CNNM3: variants seen among roughly 807,000 people sequenced by gnomAD.
CNNM3 encodes the protein cyclin and CBS domain divalent metal cation transport mediator 3.
Under a neutral mutation model 57.1 loss-of-function variants are expected in CNNM3, and 47 were observed. The observed-to-expected ratio is 0.82, with a 90% CI of 0.65 to 1.05. The LOEUF (loss-of-function observed/expected upper bound fraction) is 1.05. Among genes scored for constraint, CNNM3 ranks in the 50% least tolerant of loss-of-function variants. The pLI is 0.00. For synonymous variants in CNNM3, 507 were observed against 478.2 expected (o/e 1.06, Z -0.79); for missense variants, 957 against 973.7 (o/e 0.98, Z 0.23).
intron 7 of CNNM3, among the ~76,000 whole-genome samples, chr2:96,831,692 T>C (rs1249458317): frequency 6.6e-6 from 1 of 152,234 alleles, no homozygotes; most frequent in Non-Finnish European, 1.5e-5. Context: ...TTTCAAATCC[T>C]GGGTAGGTCC....
intron 2 of CNNM3, among the ~76,000 whole-genome samples, chr2:96,825,472 G>C (rs1251536294): frequency 1.3e-5 from 2 of 152,206 alleles, no homozygotes; most frequent in African/African-American, 4.8e-5. Flanking sequence ...AGTCCTATTA[G>C]TTTCCTCCAT....
chr2:96,827,334 G>A (rs973833504), intron 3 of CNNM3, among the ~76,000 whole-genome samples: 1 of 150,510 alleles, frequency 6.6e-6, no homozygotes, highest in African/African-American at 2.4e-5. Flanking sequence ...GTGGCACGAT[G>A]TTGGCTCACT....
chr2:96,832,707 C>T lies in CNNM3; in HGVS notation c.*91C>T. The T allele has an allele frequency of 1.3e-6, 2 of 1,589,180 alleles. No homozygotes were observed. The highest frequency in any genetic ancestry group is 1.7e-5 in the Admixed American group (1 of 59,004). Reference sequence around the variant, plus strand: ...CAGAAGTTTTGTGCCCGCCTGCCCCCATCCCCTCCAGGCCACGTTTTAGAT... The same window carrying T: ...CAGAAGTTTTGTGCCCGCCTGCCCCTATCCCCTCCAGGCCACGTTTTAGAT... On this transcript the variant is annotated 3_prime_UTR_variant, in exon 8 of 8. Coordinates refer to ENST00000305510, the MANE Select transcript of CNNM3 (RefSeq NM_017623.5).
At position 96,817,286 on chromosome 2, in the gene CNNM3, G is replaced by A. The variant is rs776886146; in HGVS notation, c.1009G>A (p.Val337Ile). The part of the protein sequence containing the change: ...LDASTVLDFG[V>I]LASIMQSGHT... ...CGCCAGCACCGTGCTGGACTTCGGC[G>A]TCCTGGCCAGCATCATGCAGAGCGG... The change falls in exon 1 of 8, where the codon GTC becomes ATC. Residue 337 changes from valine (V) to isoleucine (I), a missense_variant. Around this residue, in one of 2 missense-constraint regions of CNNM3, gnomAD observed 491 missense variants for 570.6 expected, o/e 0.86. Transcript: ENST00000305510. The A allele has an allele frequency of 6.2e-7, 1 of 1,613,396 alleles. No homozygotes were observed. The highest frequency in any genetic ancestry group is 8.5e-7 in the Non-Finnish European group (1 of 1,180,018).
At position 96,825,054 on chromosome 2, in the gene CNNM3, A is replaced by G; in HGVS notation, c.1226-4A>G. The stretch of plus-strand genomic sequence containing the variant: ...GCTGTTCCATGAGTGTCCTCCCCCC[A>G]CAGGGAAGTCCCACCTGGCCATCGT... On this transcript the variant is annotated splice_polypyrimidine_tract_variant and splice_region_variant and intron_variant, in intron 1 of 7. Coordinates refer to ENST00000305510, the MANE Select transcript of CNNM3 (RefSeq NM_017623.5). 1.9e-6 allele frequency: 3 copies of G among 1,612,200 alleles called. No homozygotes were observed. The highest frequency in any genetic ancestry group is 2.5e-6 in the Non-Finnish European group (3 of 1,179,914).
At position 96,817,383 on chromosome 2, in the gene CNNM3, C is replaced by T; in HGVS notation, c.1106C>T (p.Ala369Val). The T allele has an allele frequency of 6.2e-7, 1 of 1,614,166 alleles. No homozygotes were observed. The highest frequency in any genetic ancestry group is 8.5e-7 in the Non-Finnish European group (1 of 1,180,034). ...IVDMLYLKDL[A>V]FVDPEDCTPL... The stretch of plus-strand genomic sequence containing the variant: ...GACATGCTCTACCTCAAGGACTTGG[C>T]CTTCGTGGATCCCGAAGACTGCACG... Residue 369 changes from alanine (A) to valine (V), a missense_variant, in exon 1 of 8, where the codon GCC (alanine) becomes GTC (valine). By Grantham distance (64) the Ala-to-Val change is moderately conservative. Around this residue, in one of 2 missense-constraint regions of CNNM3, gnomAD observed 491 missense variants for 570.6 expected, o/e 0.86. Transcript: ENST00000305510.
Position 96,816,679 on chromosome 2 carries a change from C to T in CNNM3, c.402C>T (p.Pro134=), listed in dbSNP as rs1476831137. The T allele has an allele frequency of 6.8e-6, 7 of 1,022,896 alleles. No individual in the cohort carries two copies. Among genetic ancestry groups the T allele is most frequent in the Non-Finnish European group, 7.0e-6 (6 of 856,504 alleles). 63.4% of individuals were successfully genotyped at this position (1,022,896 alleles called of 1,614,324 possible). ...GGGCGGCTGAGGAGGCGGCGCCGCC[C>T]TGGGCTCTGGGCCTGGGGGCGGCCG... is the stretch of plus-strand genomic sequence containing the variant. ...GGGAAEEAAP[P]WALGLGAAGL... Residue 134 remains proline, a synonymous_variant, in exon 1 of 8, where the codon CCC becomes CCT. Coordinates refer to ENST00000305510, the MANE Select transcript of CNNM3 (RefSeq NM_017623.5).
intron 1 of CNNM3, among the ~76,000 whole-genome samples, chr2:96,817,799 C>T (rs912675528): frequency 2.6e-5 from 4 of 151,736 alleles, no homozygotes; most frequent in African/African-American, 9.7e-5. Context: ...GTCCTCTAAT[C>T]CCCCAGCTCT....
At position 96,817,100 on chromosome 2, in the gene CNNM3, C is replaced by T; in HGVS notation, c.823C>T (p.Gln275Ter). ...TCTGCCCGTCGCGCTGCCCGTGGGG[C>T]AGCTGCTGGAGCTGGCGGCGCGGCC... ...LTLPVALPVG[Q>*]LLELAARPGR... The change falls in exon 1 of 8, where the codon CAG (glutamine) becomes TAG (stop). Residue 275 changes from glutamine to a stop codon, truncating the protein, a stop_gained. Coordinates refer to ENST00000305510, the MANE Select transcript of CNNM3 (RefSeq NM_017623.5). LOFTEE classifies it high-confidence loss of function. 7.5e-7 allele frequency: 1 copy of T among 1,342,066 alleles called. No homozygotes were observed. The highest frequency in any genetic ancestry group is 2.4e-4 in the Middle Eastern group (1 of 4,198). The allele number at this position is 1,342,066 out of a possible 1,614,324, so 83.1% of individuals were successfully genotyped here. A position where few individuals can be genotyped will look rare whatever the true frequency, so the allele number is the denominator to read the frequency against.
At chr2:96,818,508 C>G (rs2079359386) in intron 1 of CNNM3, among the ~76,000 whole-genome samples, 1 of 152,114 alleles carries the variant, frequency 6.6e-6, no homozygotes, top group Non-Finnish European at 1.5e-5. Flanking sequence ...ACCTTGGCCT[C>G]CCAAAGTGTT....
intron 1 of CNNM3, among the ~76,000 whole-genome samples, chr2:96,820,578 C>T (rs17119598): frequency 0.077 from 11,772 of 152,112 alleles, 506 homozygotes; most frequent in Middle Eastern, 0.18. Flanking sequence ...TCCCGAGATG[C>T]GGAATGTCCT....
chr2:96,822,446 G>GAACACCAGCTTAC (rs2079423489), intron 1 of CNNM3, among the ~76,000 whole-genome samples: 3 of 152,090 alleles, frequency 2.0e-5, no homozygotes, highest in Non-Finnish European at 4.4e-5. Flanking sequence ...GTAAGCTGGG[G>GAACACCAGCTTAC]CCACAGGTGA....
chr2:96,822,230 C>G (rs979281975), intron 1 of CNNM3, among the ~76,000 whole-genome samples: 4 of 152,060 alleles, frequency 2.6e-5, no homozygotes, highest in Admixed American at 2.6e-4. Context: ...GTTTCGATCT[C>G]TTGACCTTAT....
At chr2:96,827,085 C>A in intron 3 of CNNM3, 103 bp downstream of exon 3, 2 of 1,347,738 alleles carry the variant, frequency 1.5e-6, no homozygotes, top group Non-Finnish European at 1.0e-6. Flanking sequence ...TCCTAGCAGG[C>A]GGGTGCGTCT....
chr2:96,827,974 CA>C (rs1283387997), intron 4 of CNNM3, 74 bp downstream of exon 4: 2 of 1,576,378 alleles, frequency 1.3e-6, no homozygotes, highest in African/African-American at 2.7e-5. Context: ...AAGAGGGGAG[CA>C]GGGGCATGCG....
Position 96,816,732 on chromosome 2 carries a change from G to A in CNNM3, c.455G>A (p.Arg152Gln). Residue 152 changes from arginine to glutamine, a missense_variant, in exon 1 of 8, where the codon CGA (arginine) becomes CAA (glutamine). Around this residue, in one of 2 missense-constraint regions of CNNM3, gnomAD observed 466 missense variants for 403.1 expected, o/e 1.16. Coordinates refer to ENST00000305510, the MANE Select transcript of CNNM3 (RefSeq NM_017623.5). ...CTGCTGGCGCTGGCAGCGCTGGCGC[G>A]AGGCCTGCAGCTGAGCGCGCTGGCG... ...AGLLALAALA[R>Q]GLQLSALALA... 3 of 1,013,266 alleles carry A rather than the reference G, an allele frequency of 3.0e-6. No individual in the cohort carries two copies. The highest frequency in any genetic ancestry group is 3.5e-6 in the Non-Finnish European group (3 of 850,266). 62.8% of individuals were successfully genotyped at this position (1,013,266 alleles called of 1,614,324 possible).
At chr2:96,823,655 C>T (rs1027368375) in intron 1 of CNNM3, among the ~76,000 whole-genome samples, 2 of 152,158 alleles carry the variant, frequency 1.3e-5, no homozygotes, top group Non-Finnish European at 2.9e-5. Flanking sequence ...TAATCAAGCC[C>T]ATGGGATGTA....
chr2:96,826,365 A>G (rs539527874), intron 2 of CNNM3, among the ~76,000 whole-genome samples: 46 of 152,152 alleles, frequency 3.0e-4, no homozygotes, highest in Non-Finnish European at 5.4e-4. Context: ...GGCGCATGCC[A>G]CCACACCCGT....
At chr2:96,822,159 C>T (rs148977192) in intron 1 of CNNM3, among the ~76,000 whole-genome samples, 46 of 151,906 alleles carry the variant, frequency 3.0e-4, no homozygotes, top group African/African-American at 8.2e-4. Flanking sequence ...TGCACCACCA[C>T]GCCCAGCTAA....
Sources: allele counts gnomAD v4.1 joint callset (sites outside exome capture counted in the v4.1 genomes callset), GRCh38; gene constraint gnomAD v4.1.1; regional missense constraint gnomAD v4.1.1; transcripts MANE v1.5; gene names NCBI Gene and HGNC (gene_info 2026-07-23, HGNC 2026-07-21).